COL6A5: variants seen among roughly 807,000 people sequenced by gnomAD.
COL6A5 encodes the protein collagen alpha-5(VI) chain.
A neutral mutation model predicts 65.6 loss-of-function variants in COL6A5; 48 were observed. The observed-to-expected ratio is 0.73, with a 90% CI of 0.58 to 0.93. The LOEUF (loss-of-function observed/expected upper bound fraction) is 0.93, where lower values mean the gene tolerates loss of function less well. Ranked by LOEUF, COL6A5 falls within the 40% of genes least tolerant of loss-of-function variation. COL6A5 has a pLI of 0.00. For missense variants in COL6A5, 914 were observed against 928.3 expected (o/e 0.98, Z 0.20); for synonymous variants, 291 against 322.8 (o/e 0.90, Z 1.05).
intron 1 of COL6A5, among the ~76,000 whole-genome samples, chr3:130,352,165 G>A (rs1209206815): frequency 6.6e-6 from 1 of 152,158 alleles, no homozygotes; most frequent in African/African-American, 2.4e-5. Context: ...CAGCAGGTGT[G>A]GGGCTGGGGG....
intron 7 of COL6A5, among the ~76,000 whole-genome samples, chr3:130,473,338 G>A (rs1179393361): frequency 1.3e-5 from 2 of 152,060 alleles, no homozygotes; most frequent in African/African-American, 4.8e-5. Context: ...TACAGGAACT[G>A]TGTGGCAGTG....
chr3:130,373,672 A>G (rs757885687), exon 2 of COL6A5: 1 of 1,543,572 alleles, frequency 6.5e-7, no homozygotes, highest in East Asian at 2.5e-5. Context: ...TGTCCTAATC[A>G]TTTGGACTGA....
At chr3:130,480,664 CAT>C (rs547625266) in intron 7 of COL6A5, among the ~76,000 whole-genome samples, 48 of 152,038 alleles carry the variant, frequency 3.2e-4, no homozygotes, top group Non-Finnish European at 6.5e-4. Flanking sequence ...CACTTAAACT[CAT>C]AACGAAAAAA....
At chr3:130,388,649 T>G (rs768412505) in exon 6 of COL6A5, 2 of 1,551,156 alleles carry the variant, frequency 1.3e-6, no homozygotes, top group African/African-American at 2.7e-5. Context: ...AATGAAAATT[T>G]TAGGAAAATG....
At chr3:130,469,234 C>T (rs761088557) in exon 6 of COL6A5, 1 of 1,613,278 alleles carries the variant, frequency 6.2e-7, no homozygotes, top group South Asian at 1.1e-5. Context: ...ACAAAGTTAT[C>T]TTTGTAATAT....
chr3:130,362,289 C>CATATATATATATATATAT (rs1184871633), intron 1 of COL6A5, among the ~76,000 whole-genome samples: 1 of 12,536 alleles, frequency 8.0e-5, no homozygotes, highest in African/African-American at 2.2e-4. Flanking sequence ...TGTCTTTCTC[C>CATATATATATATATATAT]ATATATATAT....
chr3:130,386,111 T>C (rs137971878), intron 5 of COL6A5, among the ~76,000 whole-genome samples: 153 of 152,178 alleles, frequency 1.0e-3, no homozygotes, highest in South Asian at 4.8e-3. Context: ...ATGTGTTGAT[T>C]GCCAGTATTA....
chr3:130,413,576 T>C, exon 21 of COL6A5: 3 of 1,548,948 alleles, frequency 1.9e-6, no homozygotes, highest in Non-Finnish European at 2.6e-6. Flanking sequence ...CTCCGAGGTG[T>C]CTCAGTAAGT....
In COL6A5 at chr3:130,395,162, A is replaced by T. The variant is rs1278482030; in HGVS notation, c.3265A>T (p.Lys1089Ter). 5 of 1,551,676 alleles carry T rather than the reference A, an allele frequency of 3.2e-6. No individual in the cohort carries two copies. In the East Asian group the frequency reaches 1.2e-4, roughly 38 times the overall value. Reference sequence around the variant, plus strand: ...ATTTCCAAGAATTGACTTTGCCCTTAAAAAAGTGAGCAATATGTTTAATCT... The same window carrying T: ...ATTTCCAAGAATTGACTTTGCCCTTTAAAAAGTGAGCAATATGTTTAATCT... The change falls in exon 8 of 42, where the codon AAA becomes TAA. Residue 1089 changes from lysine (K) to a stop codon, truncating the protein, a stop_gained and NMD_transcript_variant. Coordinates refer to the COL6A5 transcript ENST00000312481.
At position 130,391,259 on chromosome 3, in the gene COL6A5, A is replaced by G. The variant is rs1031859079; in HGVS notation, c.2497A>G (p.Met833Val). 9.0e-6 allele frequency: 14 copies of G among 1,551,492 alleles called. No individual in the cohort carries two copies. In the Admixed American group the frequency reaches 2.2e-4, roughly 24 times the overall value. ...CATAAAAAAACAATATCAAGATCAC[A>G]TGATTAACCTAACTATCCATTTGGT... The change falls in exon 7 of 42, where the codon ATG becomes GTG. Residue 833 changes from methionine (M) to valine (V), a missense_variant and NMD_transcript_variant. Coordinates refer to the COL6A5 transcript ENST00000312481.
At chr3:130,387,983 G>A (rs970528152) in intron 5 of COL6A5, among the ~76,000 whole-genome samples, 26 of 151,556 alleles carry the variant, frequency 1.7e-4, no homozygotes, top group African/African-American at 6.3e-4. Flanking sequence ...CAATCAGTAG[G>A]CTGTCTACAA....
intron 29 of COL6A5, among the ~76,000 whole-genome samples, chr3:130,425,747 A>C (rs1937590491): frequency 6.6e-6 from 1 of 152,090 alleles, no homozygotes; most frequent in African/African-American, 2.4e-5. Context: ...CCTTTCTCAT[A>C]TGTAGAGGCT....
At chr3:130,423,763 G>T in intron 28 of COL6A5, 75 bp from the exon 29 acceptor site, 1 of 1,167,418 alleles carries the variant, frequency 8.6e-7, no homozygotes, top group African/African-American at 1.6e-5. Context: ...AAATTAGAAA[G>T]TCTTATCGAA....
At chr3:130,454,542 C>A (rs1016513772) in intron 4 of COL6A5, among the ~76,000 whole-genome samples, 1 of 152,174 alleles carries the variant, frequency 6.6e-6, no homozygotes, top group Admixed American at 6.5e-5. Context: ...AATGCAAACA[C>A]GGACATTGAA....
At chr3:130,443,953 T>C (rs897610770) in intron 4 of COL6A5, among the ~76,000 whole-genome samples, 1 of 152,166 alleles carries the variant, frequency 6.6e-6, no homozygotes, top group African/African-American at 2.4e-5. Context: ...CCTGGGACTC[T>C]TGCTCCATTC....
chr3:130,479,965 T>C (rs1421062377), intron 7 of COL6A5, among the ~76,000 whole-genome samples: 1 of 152,072 alleles, frequency 6.6e-6, no homozygotes, highest in East Asian at 1.9e-4. Context: ...CTGATTCTTT[T>C]GTAAAACTTT....
At chr3:130,416,895 T>A in intron 24 of COL6A5, 76 bp downstream of exon 24, 1 of 804,760 alleles carries the variant, frequency 1.2e-6, no homozygotes. Flanking sequence ...ATTGCATATT[T>A]TTATGAGGTA....
exon 6 of COL6A5, chr3:130,469,175 C>A: frequency 6.2e-7 from 1 of 1,613,224 alleles, no homozygotes; most frequent in Non-Finnish European, 8.5e-7. Context: ...CCATGCCTTG[C>A]AGTGGACAAT....
chr3:130,382,488 C>T (rs573463047), intron 4 of COL6A5, among the ~76,000 whole-genome samples: 2 of 148,332 alleles, frequency 1.3e-5, no homozygotes, highest in East Asian at 4.1e-4. Flanking sequence ...AACTTAGAGT[C>T]TTTTGAGGAG....
Sources: gnomAD v4.1 joint callset for allele counts (sites outside exome capture counted in the v4.1 genomes callset) on GRCh38, gnomAD v4.1.1 for gene constraint, MANE v1.5 for transcripts, NCBI Gene and HGNC (gene_info 2026-07-23, HGNC 2026-07-21) for gene names.